Variants in PCDHGB5 observed in about 807,000 individuals in gnomAD.
PCDHGB5 encodes protocadherin gamma subfamily B, 5.
Under a neutral mutation model 62.9 loss-of-function variants are expected in PCDHGB5, and 48 were observed. The ratio of observed to expected loss-of-function variants is 0.76; its 90% CI spans 0.61 to 0.97. The LOEUF is 0.97. PCDHGB5 is among the 50% of genes least tolerant of loss of function. The pLI is 0.00. For synonymous variants in PCDHGB5, 474 were observed against 511.2 expected (o/e 0.93, Z 0.98); for missense variants, 1,118 against 1,198.6 (o/e 0.93, Z 0.99).
intron 1 of PCDHGB5, among the ~76,000 whole-genome samples, chr5:141,445,733 T>C (rs1031885468): frequency 6.6e-6 from 1 of 152,186 alleles, no homozygotes; most frequent in Non-Finnish European, 1.5e-5. Context: ...TGTGTAAAGA[T>C]CTTTTTAAAA....
At chr5:141,403,226 C>T (rs1329726577) in intron 1 of PCDHGB5, 1 of 1,613,926 alleles carries the variant, frequency 6.2e-7, no homozygotes, top group South Asian at 1.1e-5. Flanking sequence ...TAGGATAGAC[C>T]GGGAGGAGCT....
rs778172652 is a variant in PCDHGB5, at chr5:141,418,978, C to G, written c.2397+18454C>G. 4 of 1,613,790 alleles carry G rather than the reference C, an allele frequency of 2.5e-6. No individual in the cohort carries two copies. In the South Asian group the frequency reaches 4.4e-5, roughly 18 times the overall value. ...TTGTTGCCCTCTTCAAAACACGGGACCAAGACTCAGGGGAAAATGGGGAAG... is the reference window on the plus strand; with the variant it reads ...TTGTTGCCCTCTTCAAAACACGGGAGCAAGACTCAGGGGAAAATGGGGAAG... On this transcript the variant is annotated intron_variant, in intron 1 of 3. Coordinates refer to ENST00000617380, the MANE Select transcript of PCDHGB5 (RefSeq NM_018925.3).
intron 1 of PCDHGB5, among the ~76,000 whole-genome samples, chr5:141,455,439 C>T (rs966470257): frequency 1.3e-5 from 2 of 152,126 alleles, no homozygotes; most frequent in East Asian, 1.9e-4. Context: ...AGGAGGTCCC[C>T]ATCTACCGCG....
chr5:141,450,556 G>A lies in PCDHGB5; in HGVS notation c.2398-44251G>A, dbSNP rs534127421. Among the ~76,000 whole-genome samples, 5 of 151,822 alleles carry A rather than the reference G, an allele frequency of 3.3e-5. 1 individual carries two copies. Among genetic ancestry groups the A allele is most frequent in the South Asian group, 2.1e-4 (1 of 4,804 alleles). On this transcript the variant is annotated intron_variant, in intron 1 of 3. Transcript: ENST00000617380. ...GGCTGGAATGCAGTGGCGCAGTCTCGGCTCACTGCAACTTCTGCCTCCCAG... is the reference window on the plus strand; with the variant it reads ...GGCTGGAATGCAGTGGCGCAGTCTCAGCTCACTGCAACTTCTGCCTCCCAG...
chr5:141,419,514 T>C (rs1180212485), intron 1 of PCDHGB5: 1 of 1,612,266 alleles, frequency 6.2e-7, no homozygotes, highest in Admixed American at 1.7e-5. Context: ...CGCGTGTTGG[T>C]GGGCGACCGT....
chr5:141,405,593 C>T (rs1262163993), intron 1 of PCDHGB5: 1 of 579,000 alleles, frequency 1.7e-6, no homozygotes, highest in African/African-American at 1.9e-5. Context: ...TACAGGCCTC[C>T]CAAGTAGAAT....
intron 1 of PCDHGB5, among the ~76,000 whole-genome samples, chr5:141,470,205 G>T (rs934926584): frequency 6.6e-6 from 1 of 152,094 alleles, no homozygotes; most frequent in Non-Finnish European, 1.5e-5. Flanking sequence ...AAATATGAAG[G>T]CTAAACCATT....
In PCDHGB5 at chr5:141,431,371, A is replaced by G. The variant is rs2097366432; in HGVS notation, c.2397+30847A>G. The G allele has an allele frequency of 6.2e-7, 1 of 1,613,998 alleles. No individual in the cohort carries two copies. The highest frequency in any genetic ancestry group is 8.5e-7 in the Non-Finnish European group (1 of 1,180,038). ...TGAAACGCGCCCTGGACCGCGAAGA[A>G]AAGGCTGCTCACCACCTGGTCCTTA... On this transcript the variant is annotated intron_variant, in intron 1 of 3. Transcript: ENST00000617380. The surrounding 1 kb of genome is among the most constrained non-coding windows in gnomAD (Gnocchi z 4.8).
chr5:141,415,880 A>G, intron 1 of PCDHGB5: 1 of 1,003,078 alleles, frequency 1.0e-6, no homozygotes. Flanking sequence ...TGAGTACAAT[A>G]TTGACAATTC....
chr5:141,420,933 T>C (rs1227912236), intron 1 of PCDHGB5: 1 of 375,320 alleles, frequency 2.7e-6, no homozygotes, highest in African/African-American at 2.1e-5. Context: ...GTGAGCGTAA[T>C]CATTTCTTCT....
chr5:141,421,043 C>G (rs1201118615), intron 1 of PCDHGB5: 2 of 548,238 alleles, frequency 3.6e-6, no homozygotes, highest in Non-Finnish European at 6.3e-6. Flanking sequence ...CCTCCCTCCC[C>G]CGCCTCTACC....
chr5:141,450,899 A>C (rs1045595271), intron 1 of PCDHGB5, among the ~76,000 whole-genome samples: 1 of 149,514 alleles, frequency 6.7e-6, no homozygotes, highest in Non-Finnish European at 1.5e-5. Context: ...ATATCGGCTC[A>C]CTGCAACCGC....
chr5:141,421,640 A>T (rs367946949), intron 1 of PCDHGB5: 1 of 1,613,716 alleles, frequency 6.2e-7, no homozygotes, highest in Non-Finnish European at 8.5e-7. Context: ...CAGGAGGACG[A>T]AGTGGAGATA....
chr5:141,403,571 G>T (rs778030830), intron 1 of PCDHGB5: 2 of 1,613,904 alleles, frequency 1.2e-6, no homozygotes, highest in South Asian at 1.1e-5. Flanking sequence ...GGAGGCAACT[G>T]CCCACCACCT....
chr5:141,489,288 G>A lies in PCDHGB5; in HGVS notation c.2398-5519G>A. 6.3e-7 allele frequency: 1 copy of A among 1,575,870 alleles called. No homozygotes were observed. Among genetic ancestry groups the A allele is most frequent in the Non-Finnish European group, 8.6e-7 (1 of 1,161,152 alleles). On this transcript the variant is annotated intron_variant, in intron 1 of 3. Coordinates refer to ENST00000617380, the MANE Select transcript of PCDHGB5 (RefSeq NM_018925.3). The surrounding 1 kb of genome is among the most constrained non-coding windows in gnomAD (Gnocchi z 4.5). ...AGCTCGCTGGGAAATGGCAAGTGCT[G>A]TGCATGTTGTCCTTGTGCTGCTGGG...
At chr5:141,405,966 C>T (rs1226823491) in intron 1 of PCDHGB5, among the ~76,000 whole-genome samples, 3 of 151,986 alleles carry the variant, frequency 2.0e-5, no homozygotes, top group South Asian at 4.1e-4. Flanking sequence ...CTGCTGTCAA[C>T]GTAAACCATA....
chr5:141,414,251 C>T, intron 1 of PCDHGB5: 3 of 1,613,346 alleles, frequency 1.9e-6, no homozygotes, highest in Non-Finnish European at 2.5e-6. Context: ...CTATTTAGTC[C>T]AGTGACTGAA....
rs2099170089 is a variant in PCDHGB5, at chr5:141,468,602, C to T, written c.2398-26205C>T. On this transcript the variant is annotated intron_variant, in intron 1 of 3. Coordinates refer to ENST00000617380, the MANE Select transcript of PCDHGB5 (RefSeq NM_018925.3). ...GTACTAAAGGCTGGGCGCGGTGGCT[C>T]ACGCCTGTAATCCCAGCACTTTGGG... The T allele has an allele frequency of 2.6e-5, 4 of 152,284 alleles. No individual in the cohort carries two copies. The South Asian group carries it at 8.3e-4, about 32-fold the overall frequency. 9.4% of individuals were successfully genotyped at this position (152,284 alleles called of 1,614,324 possible).
intron 1 of PCDHGB5, among the ~76,000 whole-genome samples, chr5:141,467,960 C>T (rs1303642319): frequency 6.6e-6 from 1 of 151,998 alleles, no homozygotes; most frequent in Non-Finnish European, 1.5e-5. Flanking sequence ...CACCCGGCTG[C>T]CAGAAAATTT....
Sources: gnomAD v4.1 joint callset for allele counts (sites outside exome capture counted in the v4.1 genomes callset) on GRCh38, gnomAD v4.1.1 for gene constraint, Gnocchi (gnomAD v3.1) non-coding constraint, MANE v1.5 for transcripts, NCBI Gene and HGNC (gene_info 2026-07-23, HGNC 2026-07-21) for gene names.